SUSD1: variants seen among roughly 807,000 people sequenced by gnomAD.
SUSD1 encodes sushi domain containing 1.
Under a neutral mutation model 86.9 loss-of-function variants are expected in SUSD1, and 65 were observed. That is an observed-to-expected ratio of 0.75 (90% CI 0.61 to 0.92). SUSD1 has a LOEUF of 0.92. SUSD1 is among the 40% of genes least tolerant of loss of function. The probability of loss-of-function intolerance (pLI) is 0.00; values close to 1 mark genes in which losing one functional copy is unlikely to be tolerated. For missense variants in SUSD1, 850 were observed against 929.7 expected, an observed-to-expected ratio of 0.91 and a Z score of 1.11; for synonymous variants, 346 against 350.0, an observed-to-expected ratio of 0.99 and a Z score of 0.13.
chr9:112,142,577 C>G (rs1832625888), intron 4 of SUSD1, 78 bp from the exon 5 acceptor site: 4 of 1,398,146 alleles, frequency 2.9e-6, no homozygotes, highest in African/African-American at 2.9e-5. Flanking sequence ...CCACCTCTAC[C>G]CTATTCCTCA....
At chr9:112,150,969 C>T (rs1451613068) in intron 2 of SUSD1, among the ~76,000 whole-genome samples, 1 of 152,218 alleles carries the variant, frequency 6.6e-6, no homozygotes, top group Non-Finnish European at 1.5e-5. Flanking sequence ...GGGTCTCCCT[C>T]TGTCACCCAG....
chr9:112,075,703 C>A (rs1250277048), intron 12 of SUSD1, among the ~76,000 whole-genome samples: 1 of 152,206 alleles, frequency 6.6e-6, no homozygotes, highest in Non-Finnish European at 1.5e-5. Context: ...TATGATTGCA[C>A]CACTGCACTC....
intron 2 of SUSD1, among the ~76,000 whole-genome samples, chr9:112,155,116 T>C (rs968811315): frequency 6.6e-6 from 1 of 151,934 alleles, no homozygotes; most frequent in Admixed American, 6.6e-5. Context: ...CCGGGCGTGG[T>C]GGTGCCCGCC....
chr9:112,172,665 G>A (rs1200207017), intron 1 of SUSD1, among the ~76,000 whole-genome samples: 1 of 152,134 alleles, frequency 6.6e-6, no homozygotes, highest in Admixed American at 6.5e-5. Context: ...CCAAGCCTTA[G>A]TGTCATCTTT....
chr9:112,102,454 C>G (rs4979082), intron 8 of SUSD1, among the ~76,000 whole-genome samples, 169 bp from the exon 9 acceptor site: 17,795 of 152,200 alleles, frequency 0.12, 1,344 homozygotes, highest in Admixed American at 0.2. Context: ...GGCTCTCCAG[C>G]TTCTCAATTG....
At chr9:112,107,198 T>G (rs1830880101) in intron 8 of SUSD1, among the ~76,000 whole-genome samples, 1 of 137,686 alleles carries the variant, frequency 7.3e-6, no homozygotes, top group South Asian at 2.2e-4. Flanking sequence ...AAGGCTGCAG[T>G]GAGCCATGGT....
chr9:112,086,046 G>C (rs1425006075), intron 10 of SUSD1, among the ~76,000 whole-genome samples: 1 of 152,112 alleles, frequency 6.6e-6, no homozygotes, highest in Non-Finnish European at 1.5e-5. Flanking sequence ...GCTCACACCT[G>C]TAATCCCAAT....
intron 9 of SUSD1, among the ~76,000 whole-genome samples, chr9:112,101,183 G>C (rs1327416019): frequency 1.3e-5 from 2 of 151,862 alleles, no homozygotes; most frequent in Non-Finnish European, 2.9e-5. Context: ...CCAATATGGT[G>C]ACACGACATC....
intron 14 of SUSD1, among the ~76,000 whole-genome samples, chr9:112,054,364 C>A (rs993392643): frequency 6.6e-6 from 1 of 152,084 alleles, no homozygotes; most frequent in Non-Finnish European, 1.5e-5. Context: ...ATAGGAGAAG[C>A]GCTTAAGCCC....
chr9:112,073,097 G>A (rs1276501999), intron 12 of SUSD1, among the ~76,000 whole-genome samples: 1 of 152,266 alleles, frequency 6.6e-6, no homozygotes, highest in Non-Finnish European at 1.5e-5. Context: ...CATTGTGGAG[G>A]GCGGTGTCAG....
rs536409960 is a variant in SUSD1, at chr9:112,104,024, C to T, written c.1172-1739G>A. 1.2e-4 allele frequency among the ~76,000 whole-genome samples: 18 copies of T among 150,604 alleles called. No homozygotes were observed. The South Asian group carries it at 2.9e-3, about 25-fold the overall frequency. ...CAACGTCTGTATTTTTTTAAGAGTTCGCCTGACAATTCTTCTTCTTCTCTC... is the reference window on the plus strand; with the variant it reads ...CAACGTCTGTATTTTTTTAAGAGTTTGCCTGACAATTCTTCTTCTTCTCTC... On this transcript the variant is annotated intron_variant, in intron 8 of 16. Transcript: ENST00000374270.
At chr9:112,067,533 C>T (rs2131517048) in intron 12 of SUSD1, among the ~76,000 whole-genome samples, 1 of 152,380 alleles carries the variant, frequency 6.6e-6, no homozygotes, top group East Asian at 1.9e-4. Context: ...CTGGCAGGAA[C>T]TCTGGTGCTA....
At chr9:112,173,926 AT>A in intron 1 of SUSD1, 3 of 252,158 alleles carry the variant, frequency 1.2e-5, no homozygotes, top group Non-Finnish European at 1.6e-5. Context: ...TTTCTGTGCC[AT>A]TTTCGGGACT....
At chr9:112,174,648 A>T (rs1834188625) in intron 1 of SUSD1, among the ~76,000 whole-genome samples, 1 of 152,088 alleles carries the variant, frequency 6.6e-6, no homozygotes. Flanking sequence ...CGTCTTTCTC[A>T]CCATATTTAG....
At chr9:112,149,223 C>G in intron 3 of SUSD1, 21 bp downstream of exon 3, 1 of 1,613,138 alleles carries the variant, frequency 6.2e-7, no homozygotes, top group Non-Finnish European at 8.5e-7. Flanking sequence ...TTGTCAACAC[C>G]GCAGCCCCCT....
intron 15 of SUSD1, among the ~76,000 whole-genome samples, chr9:112,050,072 G>A (rs964184724): frequency 2.0e-5 from 3 of 152,160 alleles, no homozygotes; most frequent in African/African-American, 4.8e-5. Flanking sequence ...TTTGTGTCTG[G>A]AAGCTTTGTC....
At chr9:112,098,404 C>T (rs1830487214) in intron 10 of SUSD1, 66 bp downstream of exon 10, 1 of 1,528,518 alleles carries the variant, frequency 6.5e-7, no homozygotes, top group Non-Finnish European at 8.9e-7. Flanking sequence ...TTATGCCCGC[C>T]CACACTGCTC....
At chr9:112,144,117 G>A (rs940169652) in intron 3 of SUSD1, among the ~76,000 whole-genome samples, 3 of 151,968 alleles carry the variant, frequency 2.0e-5, no homozygotes, top group African/African-American at 7.2e-5. Context: ...GTACATGCCT[G>A]TAGTCCCAGC....
chr9:112,138,597 C>T (rs978560070), intron 5 of SUSD1, among the ~76,000 whole-genome samples: 22 of 151,262 alleles, frequency 1.5e-4, no homozygotes, highest in Non-Finnish European at 2.2e-4. Context: ...TACAGGTGCA[C>T]GCCACCACGC....
Sources: allele counts gnomAD v4.1 joint callset (sites outside exome capture counted in the v4.1 genomes callset), GRCh38; gene constraint gnomAD v4.1.1; transcripts MANE v1.5; gene names NCBI Gene and HGNC (gene_info 2026-07-23, HGNC 2026-07-21).